The following ANKRD36B variants were observed in gnomAD, a reference collection of about 807,000 sequenced individuals.
ANKRD36B encodes the protein ankyrin repeat domain 36B, also known as ankyrin repeat domain-containing protein 36B.
ANKRD36B carries 37 observed loss-of-function variants against 135.7 expected under a neutral mutation model. That is an observed-to-expected ratio of 0.27 (90% CI 0.21 to 0.36). ANKRD36B has a LOEUF of 0.36. Ranked by LOEUF, ANKRD36B falls within the 10% of genes least tolerant of loss-of-function variation. The pLI, the probability that ANKRD36B is intolerant of heterozygous loss-of-function variation, is 1.00. For missense variants in ANKRD36B, 549 were observed against 1,037.1 expected (o/e 0.53, Z 6.46); for synonymous variants, 179 against 348.1 (o/e 0.51, Z 5.41).
rs1337230949 is a variant in ANKRD36B at position 97,553,212 on chromosome 2, G to A, written c.1229C>T (p.Ser410Phe). 2 of 1,610,948 alleles carry A rather than the reference G, an allele frequency of 1.2e-6. No homozygotes were observed. Among genetic ancestry groups the A allele is most frequent in the East Asian group, 2.2e-5 (1 of 44,708 alleles). Residue 410 changes from serine to phenylalanine, a missense_variant, in exon 16 of 44, where the codon TCT becomes TTT. Transcript: ENST00000359901. Reference sequence around the variant, plus strand: ...ATCCTTTATTTCTGTGGCTATATTAGAAACAGAACCTTCCTCGTCAGTTGT... The same window carrying A: ...ATCCTTTATTTCTGTGGCTATATTAAAAACAGAACCTTCCTCGTCAGTTGT... ...KATTDEEGSV[S>F]NIATEIKDGE...
At chr2:97,585,428 T>C (rs1447693822) in intron 1 of ANKRD36B, 30 bp from the exon 2 acceptor site, 5 of 1,549,158 alleles carry the variant, frequency 3.2e-6, no homozygotes, top group Admixed American at 4.0e-5. Flanking sequence ...TTTTAAAACA[T>C]GTAACTGTAA....
Position 97,551,487 on chromosome 2 carries a change from A to G in ANKRD36B, c.1274-7T>C, listed in dbSNP as rs1304490883. 1.2e-6 allele frequency: 2 copies of G among 1,607,760 alleles called. No individual in the cohort carries two copies. The highest frequency in any genetic ancestry group is 2.2e-5 in the East Asian group (1 of 44,780). On this transcript the variant is annotated splice_region_variant and splice_polypyrimidine_tract_variant and intron_variant, in intron 16 of 43. Coordinates refer to ENST00000359901, the MANE Select transcript of ANKRD36B (RefSeq NM_001393939.1). The stretch of plus-strand genomic sequence containing the variant: ...GGTTTTTTCTGAGAAGACACTGAAA[A>G]GCAAAAGGGATACATAATCACTCAT...
At chr2:97,582,721 T>C (rs1449829665) in intron 3 of ANKRD36B, among the ~76,000 whole-genome samples, 3 of 152,108 alleles carry the variant, frequency 2.0e-5, no homozygotes, top group Non-Finnish European at 4.4e-5. Flanking sequence ...CGATTGTATG[T>C]AAAGCAAGTA....
intron 6 of ANKRD36B, among the ~76,000 whole-genome samples, chr2:97,567,109 A>G (rs2081494292): frequency 6.6e-6 from 1 of 152,060 alleles, no homozygotes; most frequent in East Asian, 1.9e-4. Context: ...CACATTTACC[A>G]GTTTTTTATA....
intron 6 of ANKRD36B, among the ~76,000 whole-genome samples, chr2:97,565,614 C>T (rs1486681617): frequency 6.6e-6 from 1 of 152,152 alleles, no homozygotes. Flanking sequence ...CTCATCATCA[C>T]TGATCATTAG....
Position 97,576,439 on chromosome 2 carries a change from C to A in ANKRD36B, c.703G>T (p.Asp235Tyr), listed in dbSNP as rs763563003. The change falls in exon 6 of 44, where the codon GAT becomes TAT. Residue 235 changes from aspartate to tyrosine, a missense_variant. By Grantham distance (160) the Asp-to-Tyr change is radical. Transcript: ENST00000359901. ...ASEAENRVIF[D>Y]LIYEYKRKRY... Reference sequence around the variant, plus strand: ...TTTCTTTTGTATTCATAAATTAGATCAAAAATGCTATGCATAAAAATAAAT... The same window carrying A: ...TTTCTTTTGTATTCATAAATTAGATAAAAAATGCTATGCATAAAAATAAAT... 29 of 1,215,300 alleles carry A rather than the reference C, an allele frequency of 2.4e-5. No homozygotes were observed. The highest frequency in any genetic ancestry group is 2.7e-5 in the Non-Finnish European group (24 of 883,146). 75.3% of individuals were successfully genotyped at this position (1,215,300 alleles called of 1,614,324 possible). A position where few individuals can be genotyped will look rare whatever the true frequency, so the allele number is the denominator to read the frequency against.
In ANKRD36B at chr2:97,555,070, T is replaced by G. The variant is rs761270456; in HGVS notation, c.1161A>C (p.Gln387His). Residue 387 changes from glutamine (Q) to histidine (H), a missense_variant, in exon 14 of 44, where the codon CAA becomes CAC. Gln to His is a conservative substitution (Grantham distance 24). Coordinates refer to ENST00000359901, the MANE Select transcript of ANKRD36B (RefSeq NM_001393939.1). ...GTTTTGCAAAATTACCTGTCCCACA[T>G]TGTAGTCCATCCTTTATTTCTGTAG... ...NTATEIKDGL[Q>H]CGTVSSQKQQ... 6.2e-7 allele frequency: 1 copy of G among 1,611,714 alleles called. No individual in the cohort carries two copies.
intron 37 of ANKRD36B, 31 bp from the exon 38 acceptor site, chr2:97,513,394 T>C: frequency 7.0e-7 from 1 of 1,422,004 alleles, no homozygotes; most frequent in Non-Finnish European, 9.2e-7. Flanking sequence ...GAATTTATCT[T>C]ATCAGTGAGG....
At chr2:97,540,296 C>T (rs2079089304) in intron 28 of ANKRD36B, 67 bp from the exon 29 acceptor site, 1 of 878,682 alleles carries the variant, frequency 1.1e-6, no homozygotes, top group South Asian at 1.2e-5. Flanking sequence ...TACATTCATG[C>T]AGTGTTAGCA....
intron 6 of ANKRD36B, among the ~76,000 whole-genome samples, chr2:97,574,978 A>C (rs1253978211): frequency 1.3e-5 from 2 of 152,102 alleles, no homozygotes; most frequent in Non-Finnish European, 2.9e-5. Flanking sequence ...CATACCAATC[A>C]CATCAATAGC....
intron 6 of ANKRD36B, among the ~76,000 whole-genome samples, 169 bp from the exon 7 acceptor site, chr2:97,561,029 A>G (rs1269691871): frequency 1.3e-5 from 2 of 151,416 alleles, no homozygotes; most frequent in African/African-American, 4.8e-5. Flanking sequence ...AAGGAAATAC[A>G]CTGAAGAAAA....
rs1315221773 is a variant in ANKRD36B, at chr2:97,513,081, G to A, written c.2805+99C>T. On this transcript the variant is annotated intron_variant, in intron 38 of 43. Coordinates refer to ENST00000359901, the MANE Select transcript of ANKRD36B (RefSeq NM_001393939.1). The stretch of plus-strand genomic sequence containing the variant: ...ATTTTTAAGATGAAATAAAATTTGG[G>A]GATTGTTCAGGCCTAAATAATATAT... 1.2e-5 allele frequency: 15 copies of A among 1,270,454 alleles called. 1 individual carries two copies. The East Asian group carries it at 3.4e-4, about 29-fold the overall frequency. The allele number at this position is 1,270,454 out of a possible 1,614,324, so 78.7% of individuals were successfully genotyped here. A position where few individuals can be genotyped will look rare whatever the true frequency, so the allele number is the denominator to read the frequency against.
Position 97,568,793 on chromosome 2 carries a change from AAAC to A in ANKRD36B, c.763+7583_763+7585del, listed in dbSNP as rs769484597. Among the ~76,000 whole-genome samples, 708 of 152,070 alleles carry A rather than the reference AAAC, an allele frequency of 4.7e-3. 6 individuals are homozygous for A. Among genetic ancestry groups the A allele is most frequent in the African/African-American group, 0.014 (593 of 41,524 alleles). On this transcript the variant is annotated intron_variant, in intron 6 of 43. Transcript: ENST00000359901. ...CAGTTGTCTCACTACCTAGTGGGAA[AAAC>A]AACAACAACAACAACAAATCTTTGT...
At chr2:97,562,997 C>T (rs2081163151) in intron 6 of ANKRD36B, among the ~76,000 whole-genome samples, 1 of 151,928 alleles carries the variant, frequency 6.6e-6, no homozygotes, top group African/African-American at 2.4e-5. Context: ...TACCTGTTTT[C>T]CTCTCCAGCA....
chr2:97,547,880 A>C, intron 20 of ANKRD36B, 149 bp from the exon 21 acceptor site: 5 of 1,225,480 alleles, frequency 4.1e-6, no homozygotes, highest in Non-Finnish European at 4.6e-6. Flanking sequence ...GGACTAGAAC[A>C]TGACAGAAAT....
chr2:97,498,930 T>A (rs2077332085), intron 43 of ANKRD36B, among the ~76,000 whole-genome samples: 1 of 42,870 alleles, frequency 2.3e-5, no homozygotes, highest in Non-Finnish European at 5.9e-5. Context: ...CCTGTAGAAA[T>A]GAGGGAGAGG....
chr2:97,540,174 T>C lies in ANKRD36B; in HGVS notation c.1914+27A>G. The stretch of plus-strand genomic sequence containing the variant: ...TTTCATAGACTATACAATTACTAGT[T>C]CACAATATAAATAAGAGTTTAATTA... On this transcript the variant is annotated intron_variant, in intron 29 of 43. Transcript: ENST00000359901. The C allele has an allele frequency of 3.1e-6, 3 of 961,680 alleles. 1 individual carries two copies. In the Admixed American group the frequency reaches 6.3e-5, roughly 20 times the overall value. The allele number at this position is 961,680 out of a possible 1,614,324, so 59.6% of individuals were successfully genotyped here. A position where few individuals can be genotyped will look rare whatever the true frequency, so the allele number is the denominator to read the frequency against.
In ANKRD36B at chr2:97,559,681, A is replaced by T. The variant is rs188823237; in HGVS notation, c.866-687T>A. Among the ~76,000 whole-genome samples, 685 of 152,064 alleles carry T rather than the reference A, an allele frequency of 4.5e-3. 5 individuals are homozygous for T. Among genetic ancestry groups the T allele is most frequent in the African/African-American group, 0.016 (657 of 41,538 alleles). On this transcript the variant is annotated intron_variant, in intron 8 of 43. Transcript: ENST00000359901. ...ATGTATTAGCCTCAATAAAAATATC[A>T]ATTACCAATGTTAACATACTTCTAC...
At chr2:97,565,503 A>G (rs1406035160) in intron 6 of ANKRD36B, among the ~76,000 whole-genome samples, 1 of 152,236 alleles carries the variant, frequency 6.6e-6, no homozygotes, top group Non-Finnish European at 1.5e-5. Flanking sequence ...ATAAATTTAC[A>G]AGAAAAGAAC....
Sources: gnomAD v4.1 joint callset for allele counts (sites outside exome capture counted in the v4.1 genomes callset) on GRCh38, gnomAD v4.1.1 for gene constraint, MANE v1.5 for transcripts, NCBI Gene and HGNC (gene_info 2026-07-23, HGNC 2026-07-21) for gene names.